RNF170: variants seen among roughly 807,000 people sequenced by gnomAD.
RNF170 encodes the protein E3 ubiquitin-protein ligase RNF170.
Under a neutral mutation model 32.7 loss-of-function variants are expected in RNF170, and 12 were observed. The ratio of observed to expected loss-of-function variants is 0.37; its 90% CI spans 0.24 to 0.60. RNF170 has a LOEUF of 0.60. Ranked by LOEUF, RNF170 falls within the 20% of genes least tolerant of loss-of-function variation. RNF170 has a pLI of 0.72. For missense variants in RNF170, 212 were observed against 311.2 expected (o/e 0.68, Z 2.40); for synonymous variants, 91 against 103.6 (o/e 0.88, Z 0.74).
In RNF170 at chr8:42,853,302, G is replaced by A; in HGVS notation, c.*2857C>T. 8.5e-7 allele frequency: 1 copy of A among 1,180,886 alleles called. No homozygotes were observed. The highest frequency in any genetic ancestry group is 1.6e-5 in the South Asian group (1 of 64,334). The allele number at this position is 1,180,886 out of a possible 1,614,324, so 73.2% of individuals were successfully genotyped here. Reference sequence around the variant, plus strand: ...AACAGAAAAATAACACCTTTAAAATGTTTTAGATATGTTGCTTTTATTCAA... The same window carrying A: ...AACAGAAAAATAACACCTTTAAAATATTTTAGATATGTTGCTTTTATTCAA... On this transcript the variant is annotated 3_prime_UTR_variant, in exon 7 of 7. Transcript: ENST00000527424.
At chr8:42,884,135 C>T (rs1020212273) in intron 2 of RNF170, among the ~76,000 whole-genome samples, 3 of 151,840 alleles carry the variant, frequency 2.0e-5, no homozygotes, top group Non-Finnish European at 4.4e-5. Context: ...GGCTGGAGTA[C>T]AGTGGCGTGA....
chr8:42,897,074 A>G (rs1484509846), upstream of RNF170: 31 of 1,211,570 alleles, frequency 2.6e-5, no homozygotes, highest in African/African-American at 4.8e-5. Flanking sequence ...GGATCCCCCG[A>G]CAGAGCGGCG....
chr8:42,880,145 C>T (rs1404341741), intron 2 of RNF170, among the ~76,000 whole-genome samples: 3 of 152,060 alleles, frequency 2.0e-5, no homozygotes, highest in Non-Finnish European at 4.4e-5. Flanking sequence ...AAGCGGAGGC[C>T]GAAGATGTGA....
chr8:42,893,225 T>G (rs1333263788), intron 1 of RNF170, among the ~76,000 whole-genome samples: 1 of 152,188 alleles, frequency 6.6e-6, no homozygotes, highest in East Asian at 1.9e-4. Context: ...GGTTATTAAA[T>G]GTATAGAACA....
chr8:42,892,080 C>T (rs1432735719), intron 1 of RNF170, among the ~76,000 whole-genome samples: 1 of 152,226 alleles, frequency 6.6e-6, no homozygotes, highest in Non-Finnish European at 1.5e-5. Context: ...GGCACCTACA[C>T]TGACCTAAGT....
intron 2 of RNF170, among the ~76,000 whole-genome samples, chr8:42,883,427 G>A (rs1329426905): frequency 6.6e-6 from 1 of 152,100 alleles, no homozygotes; most frequent in Non-Finnish European, 1.5e-5. Flanking sequence ...GAATTAGCCA[G>A]GCATGGTGGC....
At chr8:42,864,374 T>C (rs1324951017) in intron 5 of RNF170, among the ~76,000 whole-genome samples, 1 of 152,158 alleles carries the variant, frequency 6.6e-6, no homozygotes, top group Non-Finnish European at 1.5e-5. Flanking sequence ...GTGCTGGGAT[T>C]ACAGGCATGA....
intron 3 of RNF170, among the ~76,000 whole-genome samples, chr8:42,873,693 G>C (rs751846352): frequency 8.1e-4 from 123 of 152,166 alleles, no homozygotes; most frequent in African/African-American, 2.2e-3. Flanking sequence ...ATAAATAATA[G>C]GAAAACTGCT....
Position 42,866,265 on chromosome 8 carries a change from G to A in RNF170, c.323-776C>T, listed in dbSNP as rs190145465. ...AATAAGGTATTAGTACAAGTGGCCA[G>A]GCGCGGTGGCTCACACCTGTAATCC... On this transcript the variant is annotated intron_variant, in intron 4 of 6. Coordinates refer to ENST00000527424, the MANE Select transcript of RNF170 (RefSeq NM_030954.4). Among the ~76,000 whole-genome samples, 451 of 152,270 alleles carry A rather than the reference G, an allele frequency of 3.0e-3. 2 individuals are homozygous for A. The highest frequency in any genetic ancestry group is 6.3e-3 in the Admixed American group (96 of 15,286).
At position 42,855,696 on chromosome 8, in the gene RNF170, A is replaced by C; in HGVS notation, c.*463T>G. The C allele has an allele frequency of 7.8e-7, 1 of 1,277,560 alleles. No homozygotes were observed. Among genetic ancestry groups the C allele is most frequent in the Non-Finnish European group, 1.0e-6 (1 of 983,432 alleles). 79.1% of individuals were successfully genotyped at this position (1,277,560 alleles called of 1,614,324 possible). On this transcript the variant is annotated 3_prime_UTR_variant, in exon 7 of 7. Transcript: ENST00000527424. The stretch of plus-strand genomic sequence containing the variant: ...TTAGCTAGCACTAAAAGAAATACTG[A>C]ATTTTCCCCAATAGTATATAATATT...
Position 42,869,413 on chromosome 8 carries a change from A to G in RNF170, c.322+591T>C, listed in dbSNP as rs1442771517. ...TGGAAAGCACTCCTTCCTGATACTA[A>G]GTAAGTGTGAAATTATTCCCTTCTT... On this transcript the variant is annotated intron_variant, in intron 4 of 6. Coordinates refer to ENST00000527424, the MANE Select transcript of RNF170 (RefSeq NM_030954.4). Among the ~76,000 whole-genome samples the G allele has an allele frequency of 2.0e-5, 3 of 152,196 alleles. No individual in the cohort carries two copies. In the East Asian group the frequency reaches 5.8e-4, roughly 29 times the overall value.
At chr8:42,881,725 T>C (rs578026561) in intron 2 of RNF170, among the ~76,000 whole-genome samples, 2 of 152,112 alleles carry the variant, frequency 1.3e-5, no homozygotes, top group African/African-American at 4.8e-5. Flanking sequence ...ACTTGAGCCC[T>C]GGAATTTGAG....
At chr8:42,896,656 G>A (rs372160607), upstream of RNF170, 7 of 451,554 alleles carry the variant, frequency 1.6e-5, no homozygotes, top group East Asian at 3.5e-4. Flanking sequence ...GCGACCGGAC[G>A]GCGGAGGAGG....
chr8:42,892,605 G>C (rs1004427963), intron 1 of RNF170, among the ~76,000 whole-genome samples: 3 of 151,248 alleles, frequency 2.0e-5, no homozygotes, highest in Non-Finnish European at 4.4e-5. Flanking sequence ...TAAGCACTTA[G>C]TTCCAAGCAT....
chr8:42,886,391 C>A (rs1200690426), intron 2 of RNF170, among the ~76,000 whole-genome samples: 1 of 152,152 alleles, frequency 6.6e-6, no homozygotes, highest in African/African-American at 2.4e-5. Flanking sequence ...TTATTTCCCC[C>A]ATGATATCCA....
upstream of RNF170, chr8:42,897,057 G>C: frequency 8.8e-7 from 1 of 1,137,074 alleles, no homozygotes; most frequent in Non-Finnish European, 1.1e-6. Context: ...CAGCTGCGCG[G>C]GCCCCCGGAT....
At chr8:42,874,327 G>A (rs1295548683) in intron 2 of RNF170, among the ~76,000 whole-genome samples, 1 of 152,212 alleles carries the variant, frequency 6.6e-6, no homozygotes, top group East Asian at 1.9e-4. Flanking sequence ...AAAATAAGCA[G>A]CTATCTAATT....
At chr8:42,849,934 C>T (rs1323951244), downstream of RNF170, 4 of 152,252 alleles carry the variant, frequency 2.6e-5, no homozygotes, top group African/African-American at 7.2e-5. Flanking sequence ...AAACACGTGA[C>T]CACAGAGTAT....
intron 5 of RNF170, among the ~76,000 whole-genome samples, 163 bp downstream of exon 5, chr8:42,865,253 A>G (rs1179671679): frequency 6.6e-6 from 1 of 151,348 alleles, no homozygotes; most frequent in Non-Finnish European, 1.5e-5. Context: ...AAAAATAAAA[A>G]AAAATAAAAA....
Sources: allele counts gnomAD v4.1 joint callset (sites outside exome capture counted in the v4.1 genomes callset), GRCh38; gene constraint gnomAD v4.1.1; transcripts MANE v1.5; gene names NCBI Gene and HGNC (gene_info 2026-07-23, HGNC 2026-07-21).